NAALADL2: variants seen among roughly 807,000 people sequenced by gnomAD.
NAALADL2 encodes the protein inactive N-acetylated-alpha-linked acidic dipeptidase-like protein 2.
In NAALADL2, 76 loss-of-function variants were observed where a neutral mutation model predicts 87.2. That is an observed-to-expected ratio of 0.87 (90% CI 0.72 to 1.05). The LOEUF (loss-of-function observed/expected upper bound fraction) is 1.05. NAALADL2 is among the 50% of genes least tolerant of loss of function. The pLI, the probability that NAALADL2 is intolerant of heterozygous loss-of-function variation, is 0.00. For synonymous variants in NAALADL2, 354 were observed against 331.0 expected (o/e 1.07, Z -0.75); for missense variants, 1,089 against 945.8 (o/e 1.15, Z -1.99).
At chr3:175,667,734 T>A (rs967564458) in intron 11 of NAALADL2, among the ~76,000 whole-genome samples, 13 of 147,350 alleles carry the variant, frequency 8.8e-5, no homozygotes, top group African/African-American at 3.4e-4. Flanking sequence ...TATCTGTGTG[T>A]TTTTTGCTGT....
At chr3:175,494,700 A>G (rs1582125156) in intron 9 of NAALADL2, among the ~76,000 whole-genome samples, 1 of 152,142 alleles carries the variant, frequency 6.6e-6, no homozygotes, top group African/African-American at 2.4e-5. Context: ...ATCGGTACCT[A>G]GGACACGTCT....
chr3:174,936,765 G>A (rs932552087), intron 1 of NAALADL2, among the ~76,000 whole-genome samples: 1 of 152,094 alleles, frequency 6.6e-6, no homozygotes, highest in Non-Finnish European at 1.5e-5. Context: ...TGTCAATACT[G>A]ATGCCTGTTC....
At chr3:175,788,119 G>T (rs1400406806) in intron 13 of NAALADL2, among the ~76,000 whole-genome samples, 1 of 138,562 alleles carries the variant, frequency 7.2e-6, no homozygotes, top group Admixed American at 7.4e-5. Flanking sequence ...TTGAGACAAG[G>T]TCTCACTTTG....
At chr3:175,451,091 C>T (rs1349092967) in intron 6 of NAALADL2, among the ~76,000 whole-genome samples, 2 of 151,844 alleles carry the variant, frequency 1.3e-5, no homozygotes, top group Non-Finnish European at 2.9e-5. Flanking sequence ...TGATTAGAGC[C>T]CTAAATAAAG....
chr3:175,740,344 C>G (rs1326750555), intron 12 of NAALADL2, among the ~76,000 whole-genome samples: 1 of 151,980 alleles, frequency 6.6e-6, no homozygotes, highest in Non-Finnish European at 1.5e-5. Context: ...AGAAGGCATC[C>G]GAAAGAAAAT....
intron 13 of NAALADL2, among the ~76,000 whole-genome samples, chr3:175,793,984 T>A (rs1753145507): frequency 1.3e-5 from 2 of 152,152 alleles, no homozygotes; most frequent in Admixed American, 6.5e-5. Flanking sequence ...CACATCCTTC[T>A]CATTATTAGA....
chr3:174,683,641 TG>T (rs1303466299), intron 2 of NAALADL2, among the ~76,000 whole-genome samples: 9 of 148,778 alleles, frequency 6.0e-5, no homozygotes, highest in Admixed American at 4.0e-4. Context: ...TGTGTGTGTG[TG>T]TGTGTGTGTG....
At chr3:175,678,202 C>A (rs1257038721) in intron 11 of NAALADL2, among the ~76,000 whole-genome samples, 1 of 152,102 alleles carries the variant, frequency 6.6e-6, no homozygotes, top group Non-Finnish European at 1.5e-5. Flanking sequence ...GCAGGGAACA[C>A]AATATTCTGC....
intron 2 of NAALADL2, among the ~76,000 whole-genome samples, chr3:175,106,262 C>A (rs1294108205): frequency 6.6e-6 from 1 of 151,916 alleles, no homozygotes; most frequent in Non-Finnish European, 1.5e-5. Context: ...ATGTTGGAAC[C>A]ATTAATTTTT....
chr3:175,711,493 A>G (rs1367342239), intron 11 of NAALADL2, among the ~76,000 whole-genome samples: 1 of 151,918 alleles, frequency 6.6e-6, no homozygotes, highest in East Asian at 1.9e-4. Context: ...CTGATTTAAT[A>G]TGACTAGTGG....
At chr3:175,423,063 T>C (rs1415960782) in intron 5 of NAALADL2, among the ~76,000 whole-genome samples, 1 of 126,466 alleles carries the variant, frequency 7.9e-6, no homozygotes, top group African/African-American at 3.0e-5. Context: ...TTTTTTTTTT[T>C]CCTGAGTTGT....
intron 11 of NAALADL2, among the ~76,000 whole-genome samples, chr3:175,678,293 T>A (rs115840327): frequency 0.029 from 4,394 of 152,290 alleles, 209 homozygotes; most frequent in African/African-American, 0.1. Context: ...TGCCCTCTCC[T>A]GTCCCCTGAA....
chr3:175,404,345 C>T (rs1293157358), intron 5 of NAALADL2, among the ~76,000 whole-genome samples: 1 of 152,124 alleles, frequency 6.6e-6, no homozygotes, highest in Non-Finnish European at 1.5e-5. Context: ...CTATGATTTT[C>T]TGCCTACAGA....
At chr3:175,711,675 A>G (rs1740546984) in intron 11 of NAALADL2, among the ~76,000 whole-genome samples, 1 of 151,892 alleles carries the variant, frequency 6.6e-6, no homozygotes, top group Non-Finnish European at 1.5e-5. Context: ...ATGTATTTTT[A>G]TTTTAAGCCA....
chr3:174,913,019 T>C (rs368473724), intron 1 of NAALADL2, among the ~76,000 whole-genome samples: 3 of 152,174 alleles, frequency 2.0e-5, no homozygotes, highest in African/African-American at 7.2e-5. Flanking sequence ...ATCCCTGAAA[T>C]AAAGATGAAT....
chr3:175,677,306 T>C (rs1734922123), intron 11 of NAALADL2, among the ~76,000 whole-genome samples: 1 of 152,018 alleles, frequency 6.6e-6, no homozygotes, highest in African/African-American at 2.4e-5. Flanking sequence ...GAGGTTGCAG[T>C]GAGCCAAGAT....
rs1175366585 is a variant in NAALADL2, at chr3:175,102,445, A to G, written c.545+5154A>G. Among the ~76,000 whole-genome samples the G allele has an allele frequency of 7.9e-5, 12 of 152,186 alleles. No homozygotes were observed. In the East Asian group the frequency reaches 2.1e-3, roughly 27 times the overall value. ...CGTGCATTTCATTTTTCATGTATGA[A>G]TTACTTTTTAAAGGAGTTTCCCCAT... On this transcript the variant is annotated intron_variant, in intron 2 of 13. Coordinates refer to ENST00000454872, the MANE Select transcript of NAALADL2 (RefSeq NM_207015.3).
At chr3:174,851,659 T>C (rs1579203767) in intron 3 of NAALADL2, among the ~76,000 whole-genome samples, 1 of 152,016 alleles carries the variant, frequency 6.6e-6, no homozygotes. Flanking sequence ...AAGGACCTAA[T>C]TGCTTCACTG....
At chr3:175,155,792 C>T (rs1205227807) in intron 2 of NAALADL2, among the ~76,000 whole-genome samples, 1 of 152,060 alleles carries the variant, frequency 6.6e-6, no homozygotes, top group Non-Finnish European at 1.5e-5. Flanking sequence ...GGGCCTCATC[C>T]AAAGCGACTG....
Sources: gnomAD v4.1 joint callset for allele counts (sites outside exome capture counted in the v4.1 genomes callset) on GRCh38, gnomAD v4.1.1 for gene constraint, MANE v1.5 for transcripts, NCBI Gene and HGNC (gene_info 2026-07-23, HGNC 2026-07-21) for gene names.